CTBS: variants seen among roughly 807,000 people sequenced by gnomAD.
The protein encoded by CTBS is di-N-acetylchitobiase.
Under a neutral mutation model 44.3 loss-of-function variants are expected in CTBS, and 35 were observed. That is an observed-to-expected ratio of 0.79 (90% confidence interval 0.60 to 1.05). The LOEUF is 1.05. CTBS is among the 50% of genes least tolerant of loss of function. The pLI, the probability that CTBS is intolerant of heterozygous loss-of-function variation, is 0.00. For synonymous variants in CTBS, 143 were observed against 168.0 expected (o/e 0.85, Z 1.15); for missense variants, 458 against 475.3 (o/e 0.96, Z 0.34).
intron 6 of CTBS, among the ~76,000 whole-genome samples, chr1:84,560,361 A>C (rs1046150788): frequency 4.6e-5 from 7 of 152,136 alleles, no homozygotes; most frequent in Non-Finnish European, 1.0e-4. Flanking sequence ...AGGCCAAGAA[A>C]AATCTGAACA....
chr1:84,558,303 T>C (rs1361375824), intron 6 of CTBS, among the ~76,000 whole-genome samples: 2 of 151,934 alleles, frequency 1.3e-5, no homozygotes, highest in Admixed American at 1.3e-4. Flanking sequence ...CTTTTTTTTT[T>C]TTTTGAGACG....
intron 1 of CTBS, among the ~76,000 whole-genome samples, chr1:84,572,151 T>G (rs543472728): frequency 8.5e-5 from 13 of 152,242 alleles, no homozygotes; most frequent in African/African-American, 3.1e-4. Context: ...TGGGTCCTTG[T>G]GAGGGGAATG....
chr1:84,566,801 T>G (rs1040436069), intron 3 of CTBS, among the ~76,000 whole-genome samples: 1 of 152,002 alleles, frequency 6.6e-6, no homozygotes, highest in Non-Finnish European at 1.5e-5. Flanking sequence ...CCCAGCTAAT[T>G]TTTTTGTATT....
At chr1:84,566,527 T>C (rs901576260) in intron 3 of CTBS, among the ~76,000 whole-genome samples, 4 of 152,286 alleles carry the variant, frequency 2.6e-5, no homozygotes, top group Middle Eastern at 3.4e-3. Flanking sequence ...GTTAAGACAA[T>C]AGTGGTGTCT....
intron 3 of CTBS, among the ~76,000 whole-genome samples, chr1:84,568,402 C>T (rs1489188050): frequency 6.6e-6 from 1 of 152,198 alleles, no homozygotes; most frequent in African/African-American, 2.4e-5. Context: ...ATTGTACTCT[C>T]CTGACAAGTT....
chr1:84,565,524 C>A (rs1222480686), intron 4 of CTBS, among the ~76,000 whole-genome samples: 1 of 152,026 alleles, frequency 6.6e-6, no homozygotes, highest in Non-Finnish European at 1.5e-5. Context: ...GAATATCAGA[C>A]CAGAAATGAG....
intron 6 of CTBS, 92 bp downstream of exon 6, chr1:84,563,165 A>C (rs1176064653): frequency 2.2e-6 from 2 of 900,596 alleles, no homozygotes; most frequent in African/African-American, 3.5e-5. Flanking sequence ...CTAAAAGAAA[A>C]CTGATAGAAA....
chr1:84,555,393 A>G (rs1317151180), intron 6 of CTBS, among the ~76,000 whole-genome samples, 194 bp from the exon 7 acceptor site: 3 of 152,202 alleles, frequency 2.0e-5, no homozygotes, highest in Non-Finnish European at 4.4e-5. Context: ...CCATGGTTCT[A>G]TATTTGATAC....
chr1:84,567,647 T>G (rs538201012), intron 3 of CTBS, among the ~76,000 whole-genome samples: 11 of 152,306 alleles, frequency 7.2e-5, no homozygotes, highest in South Asian at 4.1e-4. Context: ...CCAAAGTTAT[T>G]ATCTTATTCC....
At chr1:84,566,443 C>T (rs1325781516) in intron 3 of CTBS, among the ~76,000 whole-genome samples, 3 of 152,118 alleles carry the variant, frequency 2.0e-5, no homozygotes, top group Non-Finnish European at 2.9e-5. Flanking sequence ...CACCTGTTGG[C>T]ACAACCTGAC....
chr1:84,558,409 C>T (rs1191798557), intron 6 of CTBS, among the ~76,000 whole-genome samples: 7 of 150,632 alleles, frequency 4.6e-5, no homozygotes, highest in Admixed American at 2.6e-4. Flanking sequence ...CCTGCCTCAG[C>T]CTCCCAAGTA....
chr1:84,569,887 G>C, intron 3 of CTBS, 44 bp downstream of exon 3: 1 of 1,453,432 alleles, frequency 6.9e-7, no homozygotes, highest in Non-Finnish European at 9.6e-7. Flanking sequence ...AGTATATTCT[G>C]ATATGGAAAA....
At chr1:84,557,533 C>CAAAAAAAAAAAA (rs56101174) in intron 6 of CTBS, among the ~76,000 whole-genome samples, 1 of 55,440 alleles carries the variant, frequency 1.8e-5, no homozygotes, top group African/African-American at 5.9e-5. Flanking sequence ...AACTCCATCT[C>CAAAAAAAAAAAA]AAAAAAAAAA....
Position 84,563,316 on chromosome 1 carries a change from T to G in CTBS, c.898A>C (p.Ser300Arg). 6.3e-7 allele frequency: 1 copy of G among 1,597,494 alleles called. No homozygotes were observed. The part of the protein sequence containing the change: ...PYKTIMKQIN[S>R]SISGNLWDKD... ...TCCCATAGGTTTCCAGAAATAGAAC[T>G]ATTTATTTGCTTCATGATCGTTTTG... The change falls in exon 6 of 7, where the codon AGT (serine) becomes CGT (arginine). Residue 300 changes from serine to arginine, a missense_variant. By Grantham distance (110) the Ser-to-Arg change is moderately radical (BLOSUM62 -1). Coordinates refer to ENST00000370630, the MANE Select transcript of CTBS (RefSeq NM_004388.3).
rs1198983795 is a variant in CTBS, at chr1:84,563,792, T to A, written c.738A>T (p.Lys246Asn). 1 of 1,609,100 alleles carries A rather than the reference T, an allele frequency of 6.2e-7. No homozygotes were observed. The highest frequency in any genetic ancestry group is 8.5e-7 in the Non-Finnish European group (1 of 1,177,198). ...DYIKMSINPK[K>N]LVMGVPWYGY... ...CATACCAAGGAACACCCATTACAAG[T>A]TTCTTAGGATTAATGCTCATCTTGA... The change falls in exon 5 of 7, where the codon AAA (lysine) becomes AAT (asparagine). Residue 246 changes from lysine (K) to asparagine (N), a missense_variant. Transcript: ENST00000370630.
rs76377401 is a variant in CTBS, at chr1:84,558,077, A to G, written c.958-2878T>C. Among the ~76,000 whole-genome samples, 1,230 of 152,246 alleles carry G rather than the reference A, an allele frequency of 8.1e-3. 55 individuals are homozygous for G. The East Asian group carries it at 0.13, about 16-fold the overall frequency. On this transcript the variant is annotated intron_variant, in intron 6 of 6. Coordinates refer to ENST00000370630, the MANE Select transcript of CTBS (RefSeq NM_004388.3). The stretch of plus-strand genomic sequence containing the variant: ...TTCAATTAGGAACAATAAATACAAG[A>G]AATCTACTGTATCCCGTGGTAACTA...
chr1:84,569,871 C>T, intron 3 of CTBS, 60 bp downstream of exon 3: 1 of 1,332,916 alleles, frequency 7.5e-7, no homozygotes, highest in Non-Finnish European at 1.1e-6. Context: ...TAGTTATACC[C>T]TCATGAGTAT....
intron 3 of CTBS, among the ~76,000 whole-genome samples, chr1:84,566,567 CA>C (rs1454413860): frequency 6.6e-6 from 1 of 152,104 alleles, no homozygotes; most frequent in Non-Finnish European, 1.5e-5. Flanking sequence ...TTAATCAAGT[CA>C]AAATGTTGAA....
chr1:84,554,238 CAGTGAACAGAATCAAGT>C lies in CTBS; in HGVS notation c.*744_*760del, dbSNP rs1242904570. 6.7e-6 allele frequency: 1 copy of C among 149,208 alleles called. No individual in the cohort carries two copies. Among genetic ancestry groups the C allele is most frequent in the African/African-American group, 2.6e-5 (1 of 38,880 alleles). 9.2% of individuals were successfully genotyped at this position (149,208 alleles called of 1,614,324 possible). ...AAGAAATGAATAATTAGAAGTGTGA[CAGTGAACAGAATCAAGT>C]TCAACTGCAAGTTATTCCTATTATT... On this transcript the variant is annotated 3_prime_UTR_variant, in exon 7 of 7. Coordinates refer to ENST00000370630, the MANE Select transcript of CTBS (RefSeq NM_004388.3).
Sources: gnomAD v4.1 joint callset for allele counts (sites outside exome capture counted in the v4.1 genomes callset) on GRCh38, gnomAD v4.1.1 for gene constraint, MANE v1.5 for transcripts, NCBI Gene and HGNC (gene_info 2026-07-23, HGNC 2026-07-21) for gene names.